The following RBBP8 variants were observed in gnomAD, a reference collection of about 807,000 sequenced individuals.
RBBP8 encodes DNA endonuclease RBBP8.
Under a neutral mutation model 108.3 loss-of-function variants are expected in RBBP8, and 88 were observed. The observed-to-expected ratio is 0.81, with a 90% CI of 0.68 to 0.97. RBBP8 has a LOEUF of 0.97. Among genes scored for constraint, RBBP8 ranks in the 50% least tolerant of loss-of-function variants. The pLI, the probability that RBBP8 is intolerant of heterozygous loss-of-function variation, is 0.00. For synonymous variants in RBBP8, 332 were observed against 348.2 expected (o/e 0.95, Z 0.52); for missense variants, 1,023 against 1,049.0 (o/e 0.98, Z 0.34).
chr18:22,948,342 T>C (rs1035357008), intron 3 of RBBP8, among the ~76,000 whole-genome samples: 1 of 152,088 alleles, frequency 6.6e-6, no homozygotes, highest in African/African-American at 2.4e-5. Context: ...CTGAATTAAA[T>C]ATATTTTCTA....
intron 9 of RBBP8, among the ~76,000 whole-genome samples, chr18:22,990,125 T>A (rs536007682): frequency 6.6e-6 from 1 of 152,346 alleles, no homozygotes; most frequent in South Asian, 2.1e-4. Context: ...TAATAGTTTC[T>A]AATTCCCCCC....
At chr18:22,991,109 A>G (rs1442997436) in intron 10 of RBBP8, 60 bp downstream of exon 10, 1 of 1,151,478 alleles carries the variant, frequency 8.7e-7, no homozygotes. Context: ...ATTACAATGA[A>G]TTTCATATAA....
At chr18:22,940,833 A>G (rs1179217243) in intron 2 of RBBP8, among the ~76,000 whole-genome samples, 1 of 151,510 alleles carries the variant, frequency 6.6e-6, no homozygotes, top group Non-Finnish European at 1.5e-5. Flanking sequence ...TTATAGAGAC[A>G]GGGATCTCAT....
intron 8 of RBBP8, among the ~76,000 whole-genome samples, chr18:22,988,944 A>C (rs904082927): frequency 6.6e-6 from 1 of 152,206 alleles, no homozygotes; most frequent in Non-Finnish European, 1.5e-5. Context: ...TTTTTTCCCC[A>C]GTGGCAATAA....
intron 3 of RBBP8, among the ~76,000 whole-genome samples, chr18:22,919,044 T>C (rs1909478125): frequency 6.6e-6 from 1 of 152,092 alleles, no homozygotes; most frequent in Non-Finnish European, 1.5e-5. Flanking sequence ...ATGAGCAGAG[T>C]GAGTCCAAAA....
intron 4 of RBBP8, among the ~76,000 whole-genome samples, chr18:22,958,700 C>T (rs1370931906): frequency 2.0e-5 from 3 of 152,050 alleles, no homozygotes; most frequent in Non-Finnish European, 2.9e-5. Flanking sequence ...AACACTACAC[C>T]TGACTAATTT....
chr18:22,990,928 C>G lies in RBBP8; in HGVS notation c.808-9C>G. ...TTACATGGATGTGCTTCATATTTTA[C>G]TCTTGAAGGAAACTCAAGGTCCCAT... On this transcript the variant is annotated splice_polypyrimidine_tract_variant and intron_variant, in intron 9 of 18. Coordinates refer to ENST00000327155, the MANE Select transcript of RBBP8 (RefSeq NM_002894.3). 1 of 1,586,474 alleles carries G rather than the reference C, an allele frequency of 6.3e-7. No individual in the cohort carries two copies. The highest frequency in any genetic ancestry group is 8.7e-7 in the Non-Finnish European group (1 of 1,155,316).
At chr18:23,008,802 C>A (rs1341182402) in intron 16 of RBBP8, among the ~76,000 whole-genome samples, 2 of 112,010 alleles carry the variant, frequency 1.8e-5, no homozygotes. Context: ...GAGACAGAGT[C>A]TCACTCTGTC....
intron 3 of RBBP8, 78 bp downstream of exon 3, chr18:22,946,564 A>G: frequency 6.3e-7 from 1 of 1,577,494 alleles, no homozygotes; most frequent in African/African-American, 1.3e-5. Context: ...TTCATAGAGT[A>G]GTTGATACTG....
At chr18:22,955,393 G>GT (rs774097674) in intron 4 of RBBP8, among the ~76,000 whole-genome samples, 27 of 151,982 alleles carry the variant, frequency 1.8e-4, no homozygotes, top group Admixed American at 9.8e-4. Flanking sequence ...CTGAAGATCT[G>GT]TTTTTTTAAA....
At chr18:22,937,545 A>G (rs894574633) in intron 2 of RBBP8, among the ~76,000 whole-genome samples, 1 of 146,510 alleles carries the variant, frequency 6.8e-6, no homozygotes, top group African/African-American at 2.6e-5. Flanking sequence ...GCTGGGGTGT[A>G]GTGGTGTGAT....
intron 5 of RBBP8, among the ~76,000 whole-genome samples, chr18:22,969,936 A>G (rs531082742): frequency 5.3e-5 from 8 of 152,328 alleles, no homozygotes; most frequent in African/African-American, 1.9e-4. Context: ...AAATTGTTAC[A>G]TCTCAATAAA....
In RBBP8 at chr18:23,001,299, T is replaced by A. The variant is rs894116507; in HGVS notation, c.2144-287T>A. On this transcript the variant is annotated intron_variant, in intron 14 of 18. Coordinates refer to ENST00000327155, the MANE Select transcript of RBBP8 (RefSeq NM_002894.3). ...GTAAGGCCTGTAATCCACATTTTTT[T>A]AAAACATTTTTTAAACTATCAAATT... 3.3e-5 allele frequency among the ~76,000 whole-genome samples: 5 copies of A among 152,228 alleles called. No homozygotes were observed. In the South Asian group the frequency reaches 6.2e-4, roughly 19 times the overall value.
intron 16 of RBBP8, among the ~76,000 whole-genome samples, chr18:23,009,499 T>G (rs1476793654): frequency 6.7e-6 from 1 of 150,034 alleles, no homozygotes; most frequent in Non-Finnish European, 1.5e-5. Flanking sequence ...TTAATTCTTT[T>G]AAAAGTACAT....
At chr18:23,024,373 T>C (rs1438725530) in intron 18 of RBBP8, among the ~76,000 whole-genome samples, 1 of 152,226 alleles carries the variant, frequency 6.6e-6, no homozygotes, top group Non-Finnish European at 1.5e-5. Context: ...TTCAAAATCA[T>C]CCTAAAACAT....
intron 18 of RBBP8, among the ~76,000 whole-genome samples, chr18:23,022,908 AT>A (rs11437201): frequency 1.1e-4 from 16 of 149,066 alleles, no homozygotes; most frequent in Admixed American, 4.0e-4. Flanking sequence ...CATCAAAATG[AT>A]TTTTTTTTTT....
chr18:22,955,477 C>T (rs1485796338), intron 4 of RBBP8, among the ~76,000 whole-genome samples: 1 of 152,004 alleles, frequency 6.6e-6, no homozygotes, highest in African/African-American at 2.4e-5. Flanking sequence ...ATTAACGCTA[C>T]AGGATAGATG....
At chr18:22,979,365 A>G (rs1419531009) in intron 6 of RBBP8, among the ~76,000 whole-genome samples, 1 of 152,108 alleles carries the variant, frequency 6.6e-6, no homozygotes, top group Non-Finnish European at 1.5e-5. Context: ...ATTAGACATT[A>G]GCTCTAAAGA....
chr18:22,994,169 C>T (rs1203661320), intron 12 of RBBP8, among the ~76,000 whole-genome samples: 1 of 149,022 alleles, frequency 6.7e-6, no homozygotes, highest in Non-Finnish European at 1.5e-5. Context: ...TATAGGCGCC[C>T]ACCATGCCCG....
Sources: gnomAD v4.1 joint callset for allele counts (sites outside exome capture counted in the v4.1 genomes callset) on GRCh38, gnomAD v4.1.1 for gene constraint, MANE v1.5 for transcripts, NCBI Gene and HGNC (gene_info 2026-07-23, HGNC 2026-07-21) for gene names.